TTC17: variants seen among roughly 807,000 people sequenced by gnomAD.
The protein encoded by TTC17 is tetratricopeptide repeat domain 17.
Under a neutral mutation model 143.8 loss-of-function variants are expected in TTC17, and 58 were observed. The observed-to-expected ratio is 0.40, with a 90% CI of 0.33 to 0.50. The LOEUF is 0.50. TTC17 is among the 20% of genes least tolerant of loss of function. The probability of loss-of-function intolerance (pLI) is 0.49; values close to 1 mark genes in which losing one functional copy is unlikely to be tolerated. For synonymous variants in TTC17, 501 were observed against 497.8 expected (o/e 1.01, Z -0.09); for missense variants, 1,273 against 1,392.5 (o/e 0.91, Z 1.37).
At position 43,444,073 on chromosome 11, in the gene TTC17, A is replaced by C; in HGVS notation, c.2529A>C (p.Lys843Asn). ...EATEWITFQV[K>N]RVKKPKGDHK... ...TTTCCCAGATTACATTCCAGGTCAA[A>C]CGTGTAAAGAAACCCAAAGGAGATC... Residue 843 changes from lysine (K) to asparagine (N), a missense_variant, in exon 18 of 24, where the codon AAA becomes AAC. Coordinates refer to ENST00000039989, the MANE Select transcript of TTC17 (RefSeq NM_018259.6). 6.2e-7 allele frequency: 1 copy of C among 1,608,968 alleles called. No homozygotes were observed. The highest frequency in any genetic ancestry group is 8.5e-7 in the Non-Finnish European group (1 of 1,178,540).
chr11:43,368,411 C>G (rs916600425), intron 1 of TTC17, among the ~76,000 whole-genome samples: 2 of 152,176 alleles, frequency 1.3e-5, no homozygotes, highest in African/African-American at 4.8e-5. Flanking sequence ...CACACCTGAT[C>G]TTCCCCCATT....
At chr11:43,359,299 C>A in intron 1 of TTC17, 186 bp downstream of exon 1, 1 of 721,066 alleles carries the variant, frequency 1.4e-6, no homozygotes, top group Non-Finnish European at 2.1e-6. Context: ...CCACTTGTCT[C>A]CTGGTCCTCG....
intron 21 of TTC17, among the ~76,000 whole-genome samples, chr11:43,477,161 C>T (rs1325569747): frequency 6.6e-6 from 1 of 152,200 alleles, no homozygotes; most frequent in Admixed American, 6.5e-5. Flanking sequence ...CCAACAAGTT[C>T]CCCATCTGCA....
At chr11:43,387,138 T>G (rs185622812) in intron 2 of TTC17, among the ~76,000 whole-genome samples, 1 of 152,294 alleles carries the variant, frequency 6.6e-6, no homozygotes, top group Non-Finnish European at 1.5e-5. Flanking sequence ...ATAAGCAAAC[T>G]TAAACAGTTA....
Position 43,494,304 on chromosome 11 carries a change from C to A in TTC17, c.*400C>A. On this transcript the variant is annotated 3_prime_UTR_variant, in exon 24 of 24. Transcript: ENST00000039989. ...CATTCTCTGCTTCCTGTCGTAGCCT[C>A]TGTTGTCAATGGAAATGCGGAAGCC... 1 of 162,340 alleles carries A rather than the reference C, an allele frequency of 6.2e-6. No individual in the cohort carries two copies. Among genetic ancestry groups the A allele is most frequent in the Admixed American group, 5.7e-5 (1 of 17,670 alleles). The allele number at this position is 162,340 out of a possible 1,614,324, so 10.1% of individuals were successfully genotyped here.
intron 8 of TTC17, 75 bp downstream of exon 8, chr11:43,398,188 G>T: frequency 6.5e-7 from 1 of 1,538,004 alleles, no homozygotes; most frequent in African/African-American, 1.4e-5. Flanking sequence ...GGGGATATCA[G>T]TGTTAATTTG....
intron 21 of TTC17, among the ~76,000 whole-genome samples, chr11:43,481,446 A>G (rs187329897): frequency 2.0e-5 from 3 of 152,260 alleles, no homozygotes; most frequent in Admixed American, 2.0e-4. Flanking sequence ...TAGTTTTCTG[A>G]AAAAGTCTGT....
At chr11:43,389,540 C>G in intron 2 of TTC17, 112 bp from the exon 3 acceptor site, 2 of 1,077,156 alleles carry the variant, frequency 1.9e-6, no homozygotes, top group Non-Finnish European at 2.6e-6. Context: ...GAATTCTTGT[C>G]TTCCTACATA....
intron 13 of TTC17, among the ~76,000 whole-genome samples, chr11:43,406,220 T>G (rs1333085687): frequency 1.3e-5 from 2 of 152,154 alleles, no homozygotes; most frequent in East Asian, 3.9e-4. Context: ...CACAGAACTC[T>G]CTGTTATCTA....
rs201529662 is a variant in TTC17, at chr11:43,403,117, C to CT, written c.1333-878dup. Among the ~76,000 whole-genome samples, 21 of 152,234 alleles carry CT rather than the reference C, an allele frequency of 1.4e-4. No homozygotes were observed. The East Asian group carries it at 3.1e-3, about 22-fold the overall frequency. ...ATTCACACCCTCTGGGATTATAGCT[C>CT]TTTATCTTAAAACCAAGCATTTTAA... On this transcript the variant is annotated intron_variant, in intron 10 of 23. Coordinates refer to ENST00000039989, the MANE Select transcript of TTC17 (RefSeq NM_018259.6).
At chr11:43,385,222 A>G (rs1190629984) in intron 2 of TTC17, among the ~76,000 whole-genome samples, 1 of 152,226 alleles carries the variant, frequency 6.6e-6, no homozygotes, top group East Asian at 1.9e-4. Flanking sequence ...CAAGACATAG[A>G]AAAAGAGATA....
intron 16 of TTC17, among the ~76,000 whole-genome samples, chr11:43,422,646 G>A (rs1347324954): frequency 6.6e-6 from 1 of 152,118 alleles, no homozygotes; most frequent in East Asian, 1.9e-4. Context: ...ATGTTTTAAG[G>A]GGTTATCAAG....
At chr11:43,443,621 C>T in intron 17 of TTC17, 37 bp downstream of exon 17, 2 of 1,578,204 alleles carry the variant, frequency 1.3e-6, no homozygotes, top group East Asian at 4.5e-5. Flanking sequence ...AAATTGTAGC[C>T]CATGCCTTTC....
intron 1 of TTC17, among the ~76,000 whole-genome samples, chr11:43,372,966 A>G (rs944441348): frequency 6.6e-6 from 1 of 152,190 alleles, no homozygotes; most frequent in Non-Finnish European, 1.5e-5. Context: ...GAGGAAGGAA[A>G]TAATATAGTA....
At chr11:43,401,152 C>T in intron 9 of TTC17, among the ~76,000 whole-genome samples, 1 of 152,168 alleles carries the variant, frequency 6.6e-6, no homozygotes, top group Non-Finnish European at 1.5e-5. Flanking sequence ...GCCAAAGTCT[C>T]TTAAAACGAT....
At chr11:43,437,236 CTCTT>C (rs1184261185) in intron 16 of TTC17, among the ~76,000 whole-genome samples, 28 of 152,194 alleles carry the variant, frequency 1.8e-4, no homozygotes, top group African/African-American at 6.5e-4. Flanking sequence ...TTCCTGATCT[CTCTT>C]AAGAACATCA....
intron 21 of TTC17, among the ~76,000 whole-genome samples, chr11:43,455,035 T>C (rs1279359136): frequency 6.6e-6 from 1 of 151,526 alleles, no homozygotes; most frequent in African/African-American, 2.4e-5. Flanking sequence ...AGTGAACAAA[T>C]TCCAAGGAAG....
chr11:43,432,218 G>A (rs939359849), intron 16 of TTC17, among the ~76,000 whole-genome samples: 2 of 66,354 alleles, frequency 3.0e-5, no homozygotes, highest in African/African-American at 1.1e-4. Context: ...TACCCGTCAG[G>A]AGACTTTACT....
At chr11:43,480,684 G>T (rs1001590680) in intron 21 of TTC17, among the ~76,000 whole-genome samples, 4 of 152,260 alleles carry the variant, frequency 2.6e-5, no homozygotes, top group Non-Finnish European at 5.9e-5. Flanking sequence ...GTATATTTAA[G>T]AGTGGGATGA....
Sources: gnomAD v4.1 joint callset for allele counts (sites outside exome capture counted in the v4.1 genomes callset) on GRCh38, gnomAD v4.1.1 for gene constraint, MANE v1.5 for transcripts, NCBI Gene and HGNC (gene_info 2026-07-23, HGNC 2026-07-21) for gene names.